The following SLC1A2 variants were observed in gnomAD, a reference collection of about 807,000 sequenced individuals.
The protein encoded by SLC1A2 is excitatory amino acid transporter 2.
In SLC1A2, 15 loss-of-function variants were observed where a neutral mutation model predicts 48.8. The ratio of observed to expected loss-of-function variants is 0.31; its 90% CI spans 0.21 to 0.47. The LOEUF is 0.47. Ranked by LOEUF, SLC1A2 falls within the 20% of genes least tolerant of loss-of-function variation. SLC1A2 has a pLI of 0.99. For synonymous variants in SLC1A2, 279 were observed against 272.6 expected, an observed-to-expected ratio of 1.02 and a Z score of -0.23; for missense variants, 502 against 730.5, an observed-to-expected ratio of 0.69 and a Z score of 3.61.
At position 35,253,668 on chromosome 11, in the gene SLC1A2, G is replaced by A. The variant is rs1324995933; in HGVS notation, c.*7226C>T. 1.3e-5 allele frequency: 2 copies of A among 152,572 alleles called. No individual in the cohort carries two copies. The highest frequency in any genetic ancestry group is 2.9e-5 in the Non-Finnish European group (2 of 68,022). 9.5% of individuals were successfully genotyped at this position (152,572 alleles called of 1,614,324 possible). A position where few individuals can be genotyped will look rare whatever the true frequency, so the allele number is the denominator to read the frequency against. On this transcript the variant is annotated 3_prime_UTR_variant, in exon 11 of 11. Transcript: ENST00000278379. ...TTCTTAATGGTTCATTTTGTTTATT[G>A]CATCACTAAAGACTGGGTTCTTAAA...
At chr11:35,359,784 A>G (rs1019821667) in intron 1 of SLC1A2, among the ~76,000 whole-genome samples, 2 of 152,232 alleles carry the variant, frequency 1.3e-5, no homozygotes, top group Non-Finnish European at 2.9e-5. Flanking sequence ...AAATCAGATT[A>G]TATTTCCCAA....
chr11:35,321,476 T>C (rs1045942896), intron 1 of SLC1A2, among the ~76,000 whole-genome samples: 1 of 152,086 alleles, frequency 6.6e-6, no homozygotes, highest in Non-Finnish European at 1.5e-5. Context: ...AAATGGAACA[T>C]ACACAATTTG....
In SLC1A2 at chr11:35,291,351, T is replaced by C. The variant is rs565609633; in HGVS notation, c.1091+936A>G. On this transcript the variant is annotated intron_variant, in intron 7 of 10. Transcript: ENST00000278379. ...ATCTCAGCTCACTGCAACCTCTGCC[T>C]CCTAGGTTCAAGCAATTCTCCTGCC... 1.4e-4 allele frequency: 21 copies of C among 152,086 alleles called. No individual in the cohort carries two copies. The East Asian group carries it at 3.9e-3, about 28-fold the overall frequency. The allele number at this position is 152,086 out of a possible 1,614,324, so 9.4% of individuals were successfully genotyped here.
Position 35,260,898 on chromosome 11 carries a change from T to C in SLC1A2, c.1721A>G (p.Lys574Arg), listed in dbSNP as rs1465037797. The C allele has an allele frequency of 6.2e-7, 1 of 1,611,076 alleles. No homozygotes were observed. Among genetic ancestry groups the C allele is most frequent in the Admixed American group, 1.7e-5 (1 of 60,024 alleles). ...SVEEEPWKRE[K>R] ...AATTTGCTGAGACTCATATCCTTAT[T>C]TCTCACGTTTCCAAGGTTCTTCCTC... is the stretch of plus-strand genomic sequence containing the variant. Residue 574 changes from lysine to arginine, a missense_variant, in exon 11 of 11, where the codon AAA becomes AGA. By Grantham distance (26) the Lys-to-Arg change is conservative (BLOSUM62 2). Around this residue, in one of 4 missense-constraint regions of SLC1A2, gnomAD observed 102 missense variants for 107.2 expected, o/e 0.95. Coordinates refer to ENST00000278379, the MANE Select transcript of SLC1A2 (RefSeq NM_004171.4).
chr11:35,263,751 A>G (rs564904761), intron 10 of SLC1A2, among the ~76,000 whole-genome samples: 2 of 152,324 alleles, frequency 1.3e-5, no homozygotes, highest in East Asian at 3.9e-4. Context: ...AAGTCTTATC[A>G]TCATTACAAC....
At chr11:35,342,431 G>A (rs1027620943) in intron 1 of SLC1A2, among the ~76,000 whole-genome samples, 4 of 152,132 alleles carry the variant, frequency 2.6e-5, no homozygotes, top group African/African-American at 9.7e-5. Flanking sequence ...ATGAGTCTGA[G>A]GTTTATGCTT....
chr11:35,314,364 T>G (rs771321402), intron 3 of SLC1A2, among the ~76,000 whole-genome samples: 2 of 152,196 alleles, frequency 1.3e-5, no homozygotes, highest in Non-Finnish European at 2.9e-5. Context: ...CTTTTCCATC[T>G]ATTACCTTTA....
intron 1 of SLC1A2, among the ~76,000 whole-genome samples, chr11:35,382,562 G>A (rs558766498): frequency 2.8e-4 from 43 of 152,332 alleles, no homozygotes; most frequent in African/African-American, 9.9e-4. Flanking sequence ...TTGGGAGGCC[G>A]AGGTGGGTGG....
Position 35,347,242 on chromosome 11 carries a change from C to T in SLC1A2, c.18-29726G>A, listed in dbSNP as rs1052734628. On this transcript the variant is annotated intron_variant, in intron 1 of 10. Transcript: ENST00000278379. ...GGAGCCATGAGAGCGAGAAGAAGTG[C>T]GAAGGAGCAATGGTCAGGGCTTCTG... 1.8e-4 allele frequency among the ~76,000 whole-genome samples: 27 copies of T among 152,268 alleles called. No homozygotes were observed. The South Asian group carries it at 2.1e-3, about 12-fold the overall frequency.
At chr11:35,407,035 A>G (rs918547049) in intron 1 of SLC1A2, among the ~76,000 whole-genome samples, 2 of 152,188 alleles carry the variant, frequency 1.3e-5, no homozygotes, top group Non-Finnish European at 2.9e-5. Context: ...AAGGGAAGAA[A>G]GAGAAGAATT....
rs1950288331 is a variant in SLC1A2, at chr11:35,254,576, G to A, written c.*6318C>T. Reference sequence around the variant, plus strand: ...CAGGCAGGCAAAATGGTTGCCATGAGAAGAAACAGTGCCCCAGAAGGAGTG... The same window carrying A: ...CAGGCAGGCAAAATGGTTGCCATGAAAAGAAACAGTGCCCCAGAAGGAGTG... On this transcript the variant is annotated 3_prime_UTR_variant, in exon 11 of 11. Coordinates refer to ENST00000278379, the MANE Select transcript of SLC1A2 (RefSeq NM_004171.4). 3.3e-6 allele frequency: 1 copy of A among 305,352 alleles called. No individual in the cohort carries two copies. The highest frequency in any genetic ancestry group is 6.4e-6 in the Non-Finnish European group (1 of 156,602). The allele number at this position is 305,352 out of a possible 1,614,324, so 18.9% of individuals were successfully genotyped here. A position where few individuals can be genotyped will look rare whatever the true frequency, so the allele number is the denominator to read the frequency against.
intron 3 of SLC1A2, 126 bp from the exon 4 acceptor site, chr11:35,312,574 G>T (rs147659982): frequency 2.9e-5 from 33 of 1,120,112 alleles, no homozygotes; most frequent in Non-Finnish European, 3.6e-5. Flanking sequence ...ATCTCCTACT[G>T]TAGTCTTCCC....
intron 4 of SLC1A2, among the ~76,000 whole-genome samples, chr11:35,306,492 T>G (rs1851510539): frequency 6.6e-6 from 1 of 152,238 alleles, no homozygotes; most frequent in African/African-American, 2.4e-5. Context: ...TGTGCAAATT[T>G]ATGGGGTACA....
chr11:35,308,311 G>C (rs1225025802), intron 4 of SLC1A2, among the ~76,000 whole-genome samples: 3 of 152,138 alleles, frequency 2.0e-5, no homozygotes, highest in Admixed American at 6.5e-5. Flanking sequence ...AATAGCAAAG[G>C]CCAGTGATGT....
At chr11:35,375,029 A>G (rs1359306523) in intron 1 of SLC1A2, among the ~76,000 whole-genome samples, 4 of 152,264 alleles carry the variant, frequency 2.6e-5, no homozygotes, top group Non-Finnish European at 4.4e-5. Flanking sequence ...TTTGAATGGC[A>G]TATAGCAACA....
chr11:35,369,281 C>T (rs536419951), intron 1 of SLC1A2, among the ~76,000 whole-genome samples: 3 of 152,102 alleles, frequency 2.0e-5, no homozygotes, highest in Admixed American at 6.5e-5. Flanking sequence ...TCATGTAACT[C>T]GAGGTGAGGG....
chr11:35,326,310 C>T (rs1852250857), intron 1 of SLC1A2, among the ~76,000 whole-genome samples: 1 of 152,176 alleles, frequency 6.6e-6, no homozygotes, highest in Non-Finnish European at 1.5e-5. Flanking sequence ...GTACTCATTC[C>T]CCTTCCAAGA....
intron 10 of SLC1A2, among the ~76,000 whole-genome samples, chr11:35,263,817 A>C (rs1314913379): frequency 6.6e-6 from 1 of 152,212 alleles, no homozygotes; most frequent in Non-Finnish European, 1.5e-5. Context: ...TATAGATAAT[A>C]GGCATTCAAT....
intron 1 of SLC1A2, among the ~76,000 whole-genome samples, chr11:35,389,464 T>C (rs1854693301): frequency 6.8e-6 from 1 of 146,048 alleles, no homozygotes; most frequent in Admixed American, 6.7e-5. Context: ...TTCTTCTTCT[T>C]CTTATTATTA....
Sources: gnomAD v4.1 joint callset for allele counts (sites outside exome capture counted in the v4.1 genomes callset) on GRCh38, gnomAD v4.1.1 for gene constraint, gnomAD v4.1.1 regional missense constraint, MANE v1.5 for transcripts, NCBI Gene and HGNC (gene_info 2026-07-23, HGNC 2026-07-21) for gene names.